The following ITSN2 variants were observed in gnomAD, a reference collection of about 807,000 sequenced individuals.
The protein encoded by ITSN2 is intersectin 2.
In ITSN2, 156 loss-of-function variants were observed where a neutral mutation model predicts 243.7. The ratio of observed to expected loss-of-function variants is 0.64; its 90% confidence interval spans 0.56 to 0.73. ITSN2 has a LOEUF of 0.73. Among genes scored for constraint, ITSN2 ranks in the 30% least tolerant of loss-of-function variants. The pLI, the probability that ITSN2 is intolerant of heterozygous loss-of-function variation, is 0.00. For synonymous variants in ITSN2, 703 were observed against 699.9 expected (o/e 1.00, Z -0.07); for missense variants, 1,801 against 1,996.1 (o/e 0.90, Z 1.86).
intron 1 of ITSN2, among the ~76,000 whole-genome samples, chr2:24,359,973 C>G (rs1574431467): frequency 6.6e-6 from 1 of 152,312 alleles, no homozygotes; most frequent in East Asian, 1.9e-4. Context: ...CCACGCCACC[C>G]CCGACCCTCG....
At chr2:24,221,248 G>A (rs544209531) in intron 29 of ITSN2, 182 bp from the exon 30 acceptor site, 24 of 572,016 alleles carry the variant, frequency 4.2e-5, no homozygotes, top group South Asian at 3.8e-4. Context: ...TTAATGAGCC[G>A]GCACTCACAG....
In ITSN2 at chr2:24,315,138, T is replaced by C. The variant is rs756949948; in HGVS notation, c.118A>G (p.Ile40Val). 46 of 1,576,768 alleles carry C rather than the reference T, an allele frequency of 2.9e-5. No individual in the cohort carries two copies. Among genetic ancestry groups the C allele is most frequent in the Non-Finnish European group, 3.8e-5 (44 of 1,147,946 alleles). Residue 40 changes from isoleucine (I) to valine (V), a missense_variant, in exon 3 of 40, where the codon ATA (isoleucine) becomes GTA (valine). This residue lies in a region of ITSN2 where 77 missense variants were observed against 90.1 expected (regional missense o/e 0.85). Coordinates refer to ENST00000355123, the MANE Select transcript of ITSN2 (RefSeq NM_006277.3). Reference protein sequence around the residue: ...FDNLKPSGGYITGDQARNFFL... With the variant: ...FDNLKPSGGYVTGDQARNFFL... ...ACTAATTATAAATACAAACCTGTTA[T>C]GTAACCTCCTGAAGGTTTGAGGTTA... is the stretch of plus-strand genomic sequence containing the variant.
intron 14 of ITSN2, among the ~76,000 whole-genome samples, chr2:24,295,002 TTC>T (rs1680754040): frequency 6.6e-6 from 1 of 152,222 alleles, no homozygotes; most frequent in Non-Finnish European, 1.5e-5. Flanking sequence ...GATCTTGGAC[TTC>T]TCAGTCTCTA....
chr2:24,323,509 C>T (rs1684817376), intron 2 of ITSN2, among the ~76,000 whole-genome samples: 1 of 152,154 alleles, frequency 6.6e-6, no homozygotes, highest in African/African-American at 2.4e-5. Flanking sequence ...ATTTATATGA[C>T]ATTCTGGAAA....
At chr2:24,318,334 C>T (rs1050817995) in intron 2 of ITSN2, among the ~76,000 whole-genome samples, 2 of 152,024 alleles carry the variant, frequency 1.3e-5, no homozygotes, top group Admixed American at 1.3e-4. Flanking sequence ...TTTGTAGAGA[C>T]GGGGTCTCAC....
At chr2:24,233,921 C>T (rs947748313) in intron 29 of ITSN2, among the ~76,000 whole-genome samples, 5 of 152,082 alleles carry the variant, frequency 3.3e-5, no homozygotes, top group African/African-American at 1.2e-4. Context: ...TTAAGAATGT[C>T]CTTCATAATT....
In ITSN2 at chr2:24,352,632, T is replaced by A. The variant is rs866828079; in HGVS notation, c.-34+7672A>T. On this transcript the variant is annotated intron_variant, in intron 1 of 39. Coordinates refer to ENST00000355123, the MANE Select transcript of ITSN2 (RefSeq NM_006277.3). ...TTAAACACAAATTATAAGCTCAGATTTTTATAAATATTGAGTTTAGCCTTC... is the reference window on the plus strand; with the variant it reads ...TTAAACACAAATTATAAGCTCAGATATTTATAAATATTGAGTTTAGCCTTC... Among the ~76,000 whole-genome samples the A allele has an allele frequency of 8.5e-5, 13 of 152,280 alleles. 1 individual carries two copies. Among genetic ancestry groups the A allele is most frequent in the Middle Eastern group, 3.4e-3 (1 of 294 alleles).
chr2:24,294,293 G>A (rs912660550), intron 14 of ITSN2, among the ~76,000 whole-genome samples: 2 of 152,234 alleles, frequency 1.3e-5, no homozygotes, highest in African/African-American at 4.8e-5. Context: ...AGGCGTGGTG[G>A]TGGGTGCCTG....
In ITSN2 at chr2:24,225,171, T is replaced by G. The variant is rs1670902209; in HGVS notation, c.3578-4105A>C. Among the ~76,000 whole-genome samples the G allele has an allele frequency of 6.6e-6, 1 of 152,128 alleles. No homozygotes were observed. Among genetic ancestry groups the G allele is most frequent in the African/African-American group, 2.4e-5 (1 of 41,428 alleles). ...AGGGCCCCTCCCTTTCCTTCACGCT[T>G]CTATGTTCACTCTTCGCCATTTCCT... On this transcript the variant is annotated intron_variant, in intron 29 of 39. Coordinates refer to ENST00000355123, the MANE Select transcript of ITSN2 (RefSeq NM_006277.3). This position sits in a 1 kb window ranked among gnomAD's most constrained non-coding sequence, Gnocchi z 4.2.
In ITSN2 at chr2:24,248,749, C is replaced by T. The variant is rs1236658390; in HGVS notation, c.3168G>A (p.Glu1056=). The T allele has an allele frequency of 4.3e-6, 7 of 1,613,172 alleles. No homozygotes were observed. The highest frequency in any genetic ancestry group is 5.9e-6 in the Non-Finnish European group (7 of 1,179,720). The change falls in exon 27 of 40, where the codon GAG becomes GAA. Residue 1056 remains glutamate, a splice_region_variant and synonymous_variant. Transcript: ENST00000355123. ...SKSGASNKKP[E]IAQVTSAYVA... The stretch of plus-strand genomic sequence containing the variant: ...CATATGCTGAAGTTACCTGAGCAAT[C>T]TCTGAAAAGACAAAGAAGAAACTAT...
rs1683100775 is a variant in ITSN2 at position 24,310,342 on chromosome 2, C to T, written c.595G>A (p.Gly199Arg). The change falls in exon 7 of 40, where the codon GGA (glycine) becomes AGA (arginine). Residue 199 changes from glycine to arginine, a missense_variant. This residue lies in a region of ITSN2 where 787 missense variants were observed against 803.9 expected (regional missense o/e 0.98). Coordinates refer to ENST00000355123, the MANE Select transcript of ITSN2 (RefSeq NM_006277.3). Reference sequence around the variant, plus strand: ...TTCTGTATACTAGCACCTCCAAATCCTCCCATCATCAGACTATAAGATGAC... The same window carrying T: ...TTCTGTATACTAGCACCTCCAAATCTTCCCATCATCAGACTATAAGATGAC... ...HGSSYSLMMG[G>R]FGGASIQKAQ... is the part of the protein sequence containing the mutation. 1.2e-6 allele frequency: 2 copies of T among 1,613,428 alleles called. No individual in the cohort carries two copies. The highest frequency in any genetic ancestry group is 1.7e-6 in the Non-Finnish European group (2 of 1,179,854).
At chr2:24,263,694 T>C (rs988734493) in intron 20 of ITSN2, among the ~76,000 whole-genome samples, 2 of 152,248 alleles carry the variant, frequency 1.3e-5, no homozygotes, top group Non-Finnish European at 2.9e-5. Flanking sequence ...ATCCTTTTTG[T>C]CTGCCTTTTT....
Position 24,246,150 on chromosome 2 carries a change from C to T in ITSN2, c.3556G>A (p.Asp1186Asn). ...TCACACTGTTGACTTGGATCTGAGT[C>T]TGTCGTCATCTTAACGTAGTTTGAA... ...FPSNYVKMTT[D>N]SDPSQQWCAD... The change falls in exon 29 of 40, where the codon GAC (aspartate) becomes AAC (asparagine). Residue 1186 changes from aspartate to asparagine, a missense_variant. Around this residue, in one of 5 missense-constraint regions of ITSN2, gnomAD observed 928 missense variants for 1,065.4 expected, o/e 0.87. Coordinates refer to ENST00000355123, the MANE Select transcript of ITSN2 (RefSeq NM_006277.3). 6.2e-7 allele frequency: 1 copy of T among 1,612,018 alleles called. No homozygotes were observed.
intron 29 of ITSN2, among the ~76,000 whole-genome samples, chr2:24,227,482 A>T (rs1671161219): frequency 6.6e-6 from 1 of 152,298 alleles, no homozygotes; most frequent in African/African-American, 2.4e-5. Flanking sequence ...AGAAAGAATA[A>T]GGAGAGTTGA....
chr2:24,299,975 T>C lies in ITSN2; in HGVS notation c.1278A>G (p.Leu426=), dbSNP rs1681513556. ...WKKQLELEKR[L]EKQRELERQR... ...GTCTCTCCAATTCCCGTTGCTTCTC[T>C]AAGCGTTTTTCTAATTCAAGTTGTT... The change falls in exon 12 of 40, where the codon TTA becomes TTG. Residue 426 remains leucine (L), a synonymous_variant. Transcript: ENST00000355123. 3.7e-5 allele frequency: 60 copies of C among 1,614,028 alleles called. No individual in the cohort carries two copies. The highest frequency in any genetic ancestry group is 4.9e-5 in the Non-Finnish European group (58 of 1,179,860).
At chr2:24,325,134 G>A (rs565268046) in intron 2 of ITSN2, among the ~76,000 whole-genome samples, 2 of 152,218 alleles carry the variant, frequency 1.3e-5, no homozygotes, top group South Asian at 4.1e-4. Context: ...CACTGGTCAG[G>A]TGTGATGGCT....
chr2:24,270,567 T>C, intron 20 of ITSN2, 104 bp downstream of exon 20: 1 of 640,306 alleles, frequency 1.6e-6, no homozygotes, highest in African/African-American at 1.9e-5. Context: ...AGAAACATTT[T>C]ACAAAGGTAA....
At chr2:24,248,959 A>T in intron 25 of ITSN2, 77 bp from the exon 26 acceptor site, 3 of 1,340,298 alleles carry the variant, frequency 2.2e-6, no homozygotes, top group Non-Finnish European at 3.2e-6. Context: ...AATGGGAATT[A>T]GAGATTTCAA....
chr2:24,357,702 C>T (rs1214587325), intron 1 of ITSN2, among the ~76,000 whole-genome samples: 1 of 151,506 alleles, frequency 6.6e-6, no homozygotes, highest in African/African-American at 2.4e-5. Flanking sequence ...AACTTGAATC[C>T]AAAAAAAGAA....
Sources: allele counts gnomAD v4.1 joint callset (sites outside exome capture counted in the v4.1 genomes callset), GRCh38; gene constraint gnomAD v4.1.1; regional missense constraint gnomAD v4.1.1; non-coding constraint Gnocchi (gnomAD v3.1); transcripts MANE v1.5; gene names NCBI Gene and HGNC (gene_info 2026-07-23, HGNC 2026-07-21).